The following WWOX variants were observed in gnomAD, a reference collection of about 807,000 sequenced individuals.
The protein encoded by WWOX is WW domain-containing oxidoreductase.
In WWOX, 69 loss-of-function variants were observed where a neutral mutation model predicts 46.2. That is an observed-to-expected ratio of 1.49 (90% CI 1.23 to 1.82). WWOX has a LOEUF of 1.82. WWOX is among the 40% of genes most tolerant of loss of function. The pLI is 0.00. For missense variants in WWOX, 919 were observed against 542.6 expected (o/e 1.69, Z -6.89); for synonymous variants, 359 against 202.6 (o/e 1.77, Z -6.56).
intron 5 of WWOX, among the ~76,000 whole-genome samples, chr16:78,368,958 C>G (rs1223162469): frequency 6.6e-6 from 1 of 152,158 alleles, no homozygotes; most frequent in East Asian, 1.9e-4. Context: ...CATAGACTTC[C>G]TGTCTGCCTT....
chr16:78,478,144 G>C (rs2084396834), intron 8 of WWOX, among the ~76,000 whole-genome samples: 1 of 152,140 alleles, frequency 6.6e-6, no homozygotes, highest in South Asian at 2.1e-4. Context: ...AGCAAGGTAT[G>C]TACGGTTTAA....
chr16:78,327,298 G>C (rs1018153100), intron 5 of WWOX, among the ~76,000 whole-genome samples: 8 of 152,156 alleles, frequency 5.3e-5, no homozygotes, highest in African/African-American at 1.9e-4. Flanking sequence ...CTTTGCACCA[G>C]TGTCCCTAAA....
At chr16:78,384,775 C>T (rs1426865156) in intron 5 of WWOX, among the ~76,000 whole-genome samples, 1 of 152,150 alleles carries the variant, frequency 6.6e-6, no homozygotes, top group African/African-American at 2.4e-5. Context: ...GCCAGTTTGC[C>T]TCCACCACTG....
At chr16:78,740,399 T>A (rs937483685) in intron 8 of WWOX, among the ~76,000 whole-genome samples, 1 of 152,140 alleles carries the variant, frequency 6.6e-6, no homozygotes, top group African/African-American at 2.4e-5. Context: ...GCTCTGCTAA[T>A]AGGGTTGGCA....
chr16:78,443,532 G>A (rs1165400959), intron 8 of WWOX, among the ~76,000 whole-genome samples: 1 of 152,122 alleles, frequency 6.6e-6, no homozygotes, highest in African/African-American at 2.4e-5. Flanking sequence ...TGAGGCTGGA[G>A]CACCTCATCA....
intron 8 of WWOX, among the ~76,000 whole-genome samples, chr16:78,925,042 A>G (rs1256475991): frequency 6.6e-6 from 1 of 152,236 alleles, no homozygotes; most frequent in South Asian, 2.1e-4. Flanking sequence ...AAAAAATAAA[A>G]AAGTTAGCCA....
intron 8 of WWOX, among the ~76,000 whole-genome samples, chr16:78,541,790 G>A (rs1226440872): frequency 3.3e-5 from 5 of 152,042 alleles, no homozygotes; most frequent in Admixed American, 2.6e-4. Flanking sequence ...ACAGACCTAG[G>A]AACTCAGCAA....
intron 4 of WWOX, among the ~76,000 whole-genome samples, chr16:78,147,734 A>G (rs1597267328): frequency 7.6e-6 from 1 of 132,076 alleles, no homozygotes; most frequent in South Asian, 2.3e-4. Flanking sequence ...AAGGTAGCAC[A>G]TTGTCCACAT....
At chr16:78,558,790 T>G (rs2044365242) in intron 8 of WWOX, among the ~76,000 whole-genome samples, 1 of 152,166 alleles carries the variant, frequency 6.6e-6, no homozygotes, top group Non-Finnish European at 1.5e-5. Context: ...CTGCCTAGAG[T>G]ATGCCTTTTC....
chr16:78,489,848 G>A (rs370501316), intron 8 of WWOX, among the ~76,000 whole-genome samples: 13 of 152,268 alleles, frequency 8.5e-5, no homozygotes, highest in African/African-American at 2.6e-4. Flanking sequence ...AGCAAAGGGT[G>A]TATCACTGGT....
chr16:78,915,382 T>C (rs1200009671), intron 8 of WWOX, among the ~76,000 whole-genome samples: 3 of 152,196 alleles, frequency 2.0e-5, no homozygotes, highest in Admixed American at 2.0e-4. Context: ...TGGGAGATTT[T>C]TCCATCTAAA....
intron 8 of WWOX, among the ~76,000 whole-genome samples, chr16:78,749,076 G>C (rs972994624): frequency 6.6e-6 from 1 of 152,198 alleles, no homozygotes; most frequent in Admixed American, 6.5e-5. Flanking sequence ...ACATGGTCTG[G>C]ATGTGTTTTA....
intron 8 of WWOX, among the ~76,000 whole-genome samples, chr16:79,125,494 C>T (rs895356415): frequency 5.3e-5 from 8 of 152,166 alleles, no homozygotes; most frequent in African/African-American, 9.7e-5. Flanking sequence ...TTATGGGATC[C>T]AGTACGCCCA....
intron 4 of WWOX, among the ~76,000 whole-genome samples, chr16:78,115,700 C>T (rs1227076927): frequency 6.6e-6 from 1 of 152,108 alleles, no homozygotes; most frequent in Non-Finnish European, 1.5e-5. Context: ...GTAGATGGCT[C>T]AAGAGGGTAT....
chr16:78,221,411 G>T (rs967514646), intron 5 of WWOX, among the ~76,000 whole-genome samples: 36 of 152,132 alleles, frequency 2.4e-4, no homozygotes, highest in African/African-American at 8.7e-4. Context: ...TATGTGTAAA[G>T]GAGTTAGTAC....
intron 8 of WWOX, among the ~76,000 whole-genome samples, chr16:78,739,676 T>C (rs1246376619): frequency 2.0e-5 from 3 of 152,138 alleles, no homozygotes. Context: ...CTTGGCTTCC[T>C]GGTGCATGCC....
At chr16:79,123,354 T>A (rs1274088368) in intron 8 of WWOX, among the ~76,000 whole-genome samples, 1 of 152,138 alleles carries the variant, frequency 6.6e-6, no homozygotes, top group Non-Finnish European at 1.5e-5. Flanking sequence ...CATCTTGGCA[T>A]CTTACCTATA....
At chr16:78,768,808 C>T (rs2049990271) in intron 8 of WWOX, among the ~76,000 whole-genome samples, 1 of 152,038 alleles carries the variant, frequency 6.6e-6, no homozygotes, top group African/African-American at 2.4e-5. Context: ...AGTGAATATT[C>T]ACACCAGAAA....
rs142915731 is a variant in WWOX at position 78,564,334 on chromosome 16, G to C, written c.1056+131582G>C. 1.8e-3 allele frequency among the ~76,000 whole-genome samples: 270 copies of C among 152,298 alleles called. 4 individuals carry two copies. The highest frequency in any genetic ancestry group is 5.4e-3 in the African/African-American group (223 of 41,572). On this transcript the variant is annotated intron_variant, in intron 8 of 8. Transcript: ENST00000566780. ...TGCCCTTTTCCTCAGCTGTAGGCCT[G>C]GTATGCAGAAGTATTCAGTTATTTG... is the stretch of plus-strand genomic sequence containing the variant.
Sources: allele counts gnomAD v4.1 joint callset (sites outside exome capture counted in the v4.1 genomes callset), GRCh38; gene constraint gnomAD v4.1.1; transcripts MANE v1.5; gene names NCBI Gene and HGNC (gene_info 2026-07-23, HGNC 2026-07-21).